KIF26B: variants seen among roughly 807,000 people sequenced by gnomAD.
The protein encoded by KIF26B is kinesin family member 26B.
In KIF26B, 63 loss-of-function variants were observed where a neutral mutation model predicts 151.2. The observed-to-expected ratio is 0.42, with a 90% CI of 0.34 to 0.51. The LOEUF is 0.51. Among genes scored for constraint, KIF26B ranks in the 20% least tolerant of loss-of-function variants. The probability of loss-of-function intolerance (pLI) is 0.07; values close to 1 mark genes in which losing one functional copy is unlikely to be tolerated. For missense variants in KIF26B, 2,813 were observed against 2,913.6 expected, an observed-to-expected ratio of 0.97 and a Z score of 0.79; for synonymous variants, 1,357 against 1,262.1, an observed-to-expected ratio of 1.08 and a Z score of -1.59.
At chr1:245,411,586 G>A (rs1674286110) in intron 3 of KIF26B, among the ~76,000 whole-genome samples, 1 of 152,126 alleles carries the variant, frequency 6.6e-6, no homozygotes, top group Admixed American at 6.5e-5. Flanking sequence ...TGCATCTGTG[G>A]GTGTCAGAGC....
intron 4 of KIF26B, among the ~76,000 whole-genome samples, chr1:245,533,530 T>G (rs1661424354): frequency 6.6e-6 from 1 of 152,160 alleles, no homozygotes; most frequent in Admixed American, 6.5e-5. Context: ...TCCTGAAACT[T>G]TTAAAGATAT....
chr1:245,481,500 C>T (rs1443776015), intron 4 of KIF26B, among the ~76,000 whole-genome samples: 5 of 151,854 alleles, frequency 3.3e-5, no homozygotes, highest in Admixed American at 6.6e-5. Flanking sequence ...CAAGGAAACT[C>T]GATGTGTATC....
chr1:245,442,791 G>T (rs56013928), intron 4 of KIF26B, among the ~76,000 whole-genome samples: 913 of 77,392 alleles, frequency 0.012, 3 homozygotes, highest in Middle Eastern at 0.018. Context: ...CACCTACAGC[G>T]GTCATCTCCC....
intron 2 of KIF26B, among the ~76,000 whole-genome samples, chr1:245,351,804 A>G (rs1029122166): frequency 1.3e-5 from 2 of 152,174 alleles, no homozygotes; most frequent in African/African-American, 4.8e-5. Flanking sequence ...TTCTGTTTTG[A>G]GCCTTTGATT....
chr1:245,400,350 G>C (rs932147276), intron 3 of KIF26B, among the ~76,000 whole-genome samples: 1 of 152,024 alleles, frequency 6.6e-6, no homozygotes, highest in Non-Finnish European at 1.5e-5. Context: ...TTTTACCATG[G>C]GTTACAGACA....
intron 5 of KIF26B, among the ~76,000 whole-genome samples, chr1:245,590,340 G>T (rs2043275038): frequency 6.6e-6 from 1 of 152,202 alleles, no homozygotes; most frequent in Admixed American, 6.5e-5. Context: ...ACGCGGAAAT[G>T]GGCCCTTTAT....
chr1:245,647,657 T>C (rs1238364569), intron 10 of KIF26B, among the ~76,000 whole-genome samples: 2 of 152,100 alleles, frequency 1.3e-5, no homozygotes. Context: ...GTTGCTGTTG[T>C]GTAGGAGGAA....
At chr1:245,197,900 C>T (rs1302318179) in intron 2 of KIF26B, among the ~76,000 whole-genome samples, 1 of 152,158 alleles carries the variant, frequency 6.6e-6, no homozygotes, top group Non-Finnish European at 1.5e-5. Context: ...CCCATGCGTA[C>T]TGGAGTTTCA....
At chr1:245,659,053 G>A (rs2044104212) in intron 10 of KIF26B, among the ~76,000 whole-genome samples, 1 of 151,882 alleles carries the variant, frequency 6.6e-6, no homozygotes, top group South Asian at 2.1e-4. Context: ...AACATAGTGA[G>A]ACTCCATCTG....
chr1:245,250,349 C>A (rs1670420527), intron 2 of KIF26B, among the ~76,000 whole-genome samples: 1 of 152,176 alleles, frequency 6.6e-6, no homozygotes, highest in African/African-American at 2.4e-5. Context: ...TTGACAGTTT[C>A]AAGATTTATC....
intron 3 of KIF26B, among the ~76,000 whole-genome samples, chr1:245,390,269 G>T (rs1334279172): frequency 6.6e-6 from 1 of 151,610 alleles, no homozygotes; most frequent in Non-Finnish European, 1.5e-5. Flanking sequence ...CCAGGCTGGA[G>T]TGCAGTGGTG....
intron 3 of KIF26B, among the ~76,000 whole-genome samples, chr1:245,412,321 T>C (rs555581256): frequency 1.3e-4 from 20 of 152,264 alleles, no homozygotes; most frequent in Admixed American, 7.8e-4. Context: ...AAATGTTATT[T>C]TCTGGGATTT....
At chr1:245,248,643 T>C (rs1670382231) in intron 2 of KIF26B, among the ~76,000 whole-genome samples, 1 of 152,224 alleles carries the variant, frequency 6.6e-6, no homozygotes, top group Admixed American at 6.5e-5. Flanking sequence ...GATAACACTT[T>C]GTCGCTTTTA....
intron 2 of KIF26B, among the ~76,000 whole-genome samples, chr1:245,354,390 A>C (rs1176676114): frequency 6.6e-6 from 1 of 152,198 alleles, no homozygotes; most frequent in Non-Finnish European, 1.5e-5. Flanking sequence ...TGCCAATGAC[A>C]GGCTCTGTGA....
At chr1:245,547,824 A>G (rs1661782274) in intron 5 of KIF26B, among the ~76,000 whole-genome samples, 1 of 152,168 alleles carries the variant, frequency 6.6e-6, no homozygotes, top group Non-Finnish European at 1.5e-5. Context: ...ATGTCTACAC[A>G]GAGCAAAATG....
chr1:245,314,128 G>T (rs1671716721), intron 2 of KIF26B, among the ~76,000 whole-genome samples: 1 of 152,160 alleles, frequency 6.6e-6, no homozygotes, highest in African/African-American at 2.4e-5. Context: ...CAGAGACAGG[G>T]ACTCCTGGCA....
rs763904599 is a variant in KIF26B at position 245,646,116 on chromosome 1, G to A, written c.2099-5G>A. 21 of 1,613,554 alleles carry A rather than the reference G, an allele frequency of 1.3e-5. No homozygotes were observed. The South Asian group carries it at 2.3e-4, about 18-fold the overall frequency. On this transcript the variant is annotated splice_polypyrimidine_tract_variant and splice_region_variant and intron_variant, in intron 9 of 14. Coordinates refer to ENST00000407071, the MANE Select transcript of KIF26B (RefSeq NM_018012.4). ...ATTTCTCTTTTATCTTCTCCCCTGTGGTAGTGTCTGGAGGTCGCAGCCGCC... is the reference window on the plus strand; with the variant it reads ...ATTTCTCTTTTATCTTCTCCCCTGTAGTAGTGTCTGGAGGTCGCAGCCGCC...
chr1:245,686,068 A>G lies in KIF26B; in HGVS notation c.3085A>G (p.Ser1029Gly), dbSNP rs748973571. ...CTCACCCAGGAGCGTCCCGGGCAGC[A>G]GTAGCCAGCACAGCGCCTCCCCACT... ...PASPRSVPGS[S>G]SQHSASPLVQ... is the part of the protein sequence containing the mutation. The change falls in exon 12 of 15, where the codon AGT (serine) becomes GGT (glycine). Residue 1029 changes from serine (S) to glycine (G), a missense_variant. Coordinates refer to ENST00000407071, the MANE Select transcript of KIF26B (RefSeq NM_018012.4). This position sits in a 1 kb window ranked among gnomAD's most constrained non-coding sequence, Gnocchi z 5.6. 1 of 1,598,838 alleles carries G rather than the reference A, an allele frequency of 6.3e-7. No homozygotes were observed. Among genetic ancestry groups the G allele is most frequent in the East Asian group, 2.3e-5 (1 of 43,872 alleles).
intron 2 of KIF26B, among the ~76,000 whole-genome samples, chr1:245,349,099 T>C (rs1288343278): frequency 6.6e-6 from 1 of 152,216 alleles, no homozygotes; most frequent in Non-Finnish European, 1.5e-5. Flanking sequence ...CCTTGGTTTG[T>C]TCATGGCTCT....
Sources: allele counts gnomAD v4.1 joint callset (sites outside exome capture counted in the v4.1 genomes callset), GRCh38; gene constraint gnomAD v4.1.1; non-coding constraint Gnocchi (gnomAD v3.1); transcripts MANE v1.5; gene names NCBI Gene and HGNC (gene_info 2026-07-23, HGNC 2026-07-21).